The following ARFGEF2 variants were observed in gnomAD, a reference collection of about 807,000 sequenced individuals.
ARFGEF2 encodes ARF guanine nucleotide exchange factor 2.
ARFGEF2 carries 74 observed loss-of-function variants against 219.9 expected under a neutral mutation model. That is an observed-to-expected ratio of 0.34 (90% CI 0.28 to 0.41). ARFGEF2 has a LOEUF of 0.41. ARFGEF2 is among the 10% of genes least tolerant of loss of function. The pLI, the probability that ARFGEF2 is intolerant of heterozygous loss-of-function variation, is 1.00. For missense variants in ARFGEF2, 1,743 were observed against 2,218.3 expected, an observed-to-expected ratio of 0.79 and a Z score of 4.30; for synonymous variants, 733 against 799.2, an observed-to-expected ratio of 0.92 and a Z score of 1.40.
At chr20:48,947,574 T>C (rs781591724) in intron 3 of ARFGEF2, among the ~76,000 whole-genome samples, 13 of 150,518 alleles carry the variant, frequency 8.6e-5, no homozygotes, top group Non-Finnish European at 1.5e-4. Flanking sequence ...TTAAAGTATA[T>C]ATATGGCCAG....
chr20:48,991,238 A>T, intron 21 of ARFGEF2, 40 bp downstream of exon 21: 1 of 1,611,514 alleles, frequency 6.2e-7, no homozygotes, highest in Non-Finnish European at 8.5e-7. Flanking sequence ...AGTTAGGATG[A>T]CTCCTGGCTT....
Position 48,994,537 on chromosome 20 carries a change from A to G in ARFGEF2, c.3060A>G (p.Glu1020=). Residue 1020 remains glutamate (E), a synonymous_variant, in exon 22 of 39, where the codon GAA becomes GAG. Coordinates refer to ENST00000371917, the MANE Select transcript of ARFGEF2 (RefSeq NM_006420.3). ...GCTACCTGTCTGGATCTGGGCGTGA[A>G]AGAGAAGGGAGCCTGAAGGGCCACA... ...KTRYLSGSGR[E]REGSLKGHTL... 1 of 1,614,112 alleles carries G rather than the reference A, an allele frequency of 6.2e-7. No individual in the cohort carries two copies. Among genetic ancestry groups the G allele is most frequent in the Non-Finnish European group, 8.5e-7 (1 of 1,180,020 alleles).
At position 48,998,638 on chromosome 20, in the gene ARFGEF2, G is replaced by A. The variant is rs117563744; in HGVS notation, c.3432+133G>A. On this transcript the variant is annotated intron_variant, in intron 25 of 38. Transcript: ENST00000371917. ...TAATTCATTTTCCCTGTGCAGTCAA[G>A]GACAGCTTGATAGGAGTAATATCAT... The A allele has an allele frequency of 5.8e-3, 5,120 of 881,648 alleles. 32 individuals carry two copies. Among genetic ancestry groups the A allele is most frequent in the Middle Eastern group, 0.011 (32 of 2,948 alleles). The allele number at this position is 881,648 out of a possible 1,614,324, so 54.6% of individuals were successfully genotyped here.
chr20:48,937,079 C>G (rs1406832697), intron 1 of ARFGEF2, among the ~76,000 whole-genome samples: 4 of 152,186 alleles, frequency 2.6e-5, no homozygotes, highest in Admixed American at 6.5e-5. Flanking sequence ...GGGTGAGACT[C>G]TGTCTCCAAA....
chr20:48,976,935 C>CATTTTATTTT (rs59427522), intron 14 of ARFGEF2, among the ~76,000 whole-genome samples: 1,731 of 146,492 alleles, frequency 0.012, 20 homozygotes, highest in African/African-American at 0.036. Flanking sequence ...TTTTTTTAGG[C>CATTTTATTTT]ATTTTATTTT....
At chr20:48,922,590 A>G (rs1600577209) in intron 1 of ARFGEF2, among the ~76,000 whole-genome samples, 1 of 152,248 alleles carries the variant, frequency 6.6e-6, no homozygotes, top group South Asian at 2.1e-4. Context: ...ACTAAAATAC[A>G]AGGTCTTCAG....
At position 49,011,956 on chromosome 20, in the gene ARFGEF2, A is replaced by T; in HGVS notation, c.3790A>T (p.Ile1264Phe). The change falls in exon 28 of 39, where the codon ATC becomes TTC. Residue 1264 changes from isoleucine to phenylalanine, a missense_variant. Ile to Phe is a conservative substitution (Grantham distance 21). Transcript: ENST00000371917. ...TTTCCAGCACCATTTTCCTGCAGCC[A>T]TCGATTCCTTTCAGGATGCTGTGAA... The part of the protein sequence containing the change: ...TIFQHHFPAA[I>F]DSFQDAVKCL... 6.2e-7 allele frequency: 1 copy of T among 1,614,220 alleles called. No individual in the cohort carries two copies.
At chr20:48,984,964 C>G (rs947389870) in intron 15 of ARFGEF2, 124 bp downstream of exon 15, 1 of 1,539,588 alleles carries the variant, frequency 6.5e-7, no homozygotes, top group Non-Finnish European at 8.8e-7. Flanking sequence ...CCGGGTTATA[C>G]ATTGTCTATT....
intron 6 of ARFGEF2, among the ~76,000 whole-genome samples, chr20:48,960,996 C>T (rs1013659357): frequency 1.3e-5 from 2 of 150,972 alleles, no homozygotes; most frequent in African/African-American, 4.8e-5. Flanking sequence ...AGGAGAATCT[C>T]TTGAACCCGG....
At chr20:49,031,850 C>A (rs1166239834) in intron 37 of ARFGEF2, among the ~76,000 whole-genome samples, 199 bp from the exon 38 acceptor site, 1 of 151,316 alleles carries the variant, frequency 6.6e-6, no homozygotes, top group African/African-American at 2.4e-5. Flanking sequence ...CCGAGGAGGT[C>A]AAGGCTACAG....
At position 48,971,283 on chromosome 20, in the gene ARFGEF2, T is replaced by G. The variant is rs1185399485; in HGVS notation, c.1354T>G (p.Phe452Val). The change falls in exon 10 of 39, where the codon TTT (phenylalanine) becomes GTT (valine). Residue 452 changes from phenylalanine to valine, a missense_variant. Physicochemically the swap from Phe to Val is conservative, Grantham distance 50. This residue lies in a region of ARFGEF2 where 666 missense variants were observed against 955.4 expected (regional missense o/e 0.70). Coordinates refer to ENST00000371917, the MANE Select transcript of ARFGEF2 (RefSeq NM_006420.3). ...CGGCGTCTCTTCAGTGCCTGATGTC[T>G]TTGAGCTCTCTCTTGCCATTTTTCT... ...KNGVSSVPDVFELSLAIFLTL... is the reference protein window; with the variant it reads ...KNGVSSVPDVVELSLAIFLTL... The G allele has an allele frequency of 6.2e-7, 1 of 1,614,226 alleles. No homozygotes were observed. The highest frequency in any genetic ancestry group is 8.5e-7 in the Non-Finnish European group (1 of 1,180,038).
chr20:48,971,586 G>A (rs2091227948), intron 10 of ARFGEF2, among the ~76,000 whole-genome samples: 1 of 152,186 alleles, frequency 6.6e-6, no homozygotes, highest in Admixed American at 6.5e-5. Flanking sequence ...GAATGAGTAA[G>A]AGAATATCTT....
At chr20:49,032,960 A>G in intron 38 of ARFGEF2, 63 bp from the exon 39 acceptor site, 1 of 1,502,660 alleles carries the variant, frequency 6.7e-7, no homozygotes, top group East Asian at 2.3e-5. Context: ...AACACTTCTG[A>G]AAAACTGGTG....
chr20:49,027,714 A>G (rs1264854403), intron 36 of ARFGEF2, among the ~76,000 whole-genome samples: 2 of 151,352 alleles, frequency 1.3e-5, no homozygotes, highest in Admixed American at 6.6e-5. Context: ...ACCAATAAAT[A>G]AATGAAGAAC....
chr20:48,935,938 G>GGT (rs1474821851), intron 1 of ARFGEF2, among the ~76,000 whole-genome samples: 3 of 99,642 alleles, frequency 3.0e-5, no homozygotes, highest in African/African-American at 5.4e-5. Context: ...GCGGCTGGCC[G>GGT]GGGGGGGGGG....
intron 34 of ARFGEF2, among the ~76,000 whole-genome samples, chr20:49,020,544 C>T (rs571341415): frequency 2.8e-4 from 42 of 152,330 alleles, no homozygotes; most frequent in South Asian, 1.9e-3. Flanking sequence ...CTCCTGGGCT[C>T]AAGCAATCCT....
At chr20:48,954,193 C>T (rs547482873) in intron 6 of ARFGEF2, among the ~76,000 whole-genome samples, 40 of 152,164 alleles carry the variant, frequency 2.6e-4, no homozygotes, top group Non-Finnish European at 5.0e-4. Flanking sequence ...GCAGTAGCCA[C>T]TCATAGATAT....
intron 16 of ARFGEF2, 55 bp downstream of exon 16, chr20:48,985,668 C>G: frequency 6.4e-7 from 1 of 1,563,414 alleles, no homozygotes; most frequent in Non-Finnish European, 8.8e-7. Context: ...CCTCAGAACG[C>G]TAATTCTAAT....
chr20:48,988,966 A>G (rs979867641), intron 18 of ARFGEF2, among the ~76,000 whole-genome samples: 1 of 152,122 alleles, frequency 6.6e-6, no homozygotes, highest in Non-Finnish European at 1.5e-5. Flanking sequence ...TCTATTAGTT[A>G]TGGCCCCTGG....
Sources: gnomAD v4.1 joint callset for allele counts (sites outside exome capture counted in the v4.1 genomes callset) on GRCh38, gnomAD v4.1.1 for gene constraint, gnomAD v4.1.1 regional missense constraint, MANE v1.5 for transcripts, NCBI Gene and HGNC (gene_info 2026-07-23, HGNC 2026-07-21) for gene names.